GLMN: variants seen among roughly 807,000 people sequenced by gnomAD.
GLMN encodes glomulin.
A neutral mutation model predicts 87.8 loss-of-function variants in GLMN; 75 were observed. The observed-to-expected ratio is 0.85, with a 90% confidence interval of 0.71 to 1.04. GLMN has a LOEUF of 1.04. Among genes scored for constraint, GLMN ranks in the 50% least tolerant of loss-of-function variants. GLMN has a pLI of 0.00. For missense variants in GLMN, 588 were observed against 658.8 expected, an observed-to-expected ratio of 0.89 and a Z score of 1.18; for synonymous variants, 206 against 221.6, an observed-to-expected ratio of 0.93 and a Z score of 0.63.
chr1:92,333,110 ATC>A, the GLMN span: 2 of 337,332 alleles, frequency 5.9e-6, no homozygotes, highest in Non-Finnish European at 5.4e-6. Context: ...AGTTTACAAA[ATC>A]TTTTTGTTTA....
rs369888369 is a variant in GLMN, at chr1:92,252,272, G to A, written c.1474-4283C>T. 5.8e-4 allele frequency among the ~76,000 whole-genome samples: 89 copies of A among 152,188 alleles called. 1 individual carries two copies. Among genetic ancestry groups the A allele is most frequent in the African/African-American group, 2.0e-3 (83 of 41,544 alleles). The stretch of plus-strand genomic sequence containing the variant: ...TATTAATAAAGAGTACTGGCCCAGC[G>A]CAGTAGCTCATGCCTGTAATCCCAG... On this transcript the variant is annotated intron_variant, in intron 16 of 18. Transcript: ENST00000370360.
the GLMN span, among the ~76,000 whole-genome samples, chr1:92,338,505 A>G: frequency 6.6e-6 from 1 of 152,224 alleles, no homozygotes; most frequent in Non-Finnish European, 1.5e-5. Flanking sequence ...TACACTGATG[A>G]TAAAGTTTAA....
the GLMN span, among the ~76,000 whole-genome samples, chr1:92,311,572 G>A: frequency 6.6e-6 from 1 of 152,124 alleles, no homozygotes; most frequent in Non-Finnish European, 1.5e-5. Context: ...ATTTGAACTT[G>A]GCATCACTGA....
In GLMN at chr1:92,246,669, TG is replaced by T. The variant is rs772137346; in HGVS notation, c.1669-24del. On this transcript the variant is annotated intron_variant, in intron 18 of 18. Transcript: ENST00000370360. ...GACCTGCAATGCCAAGAAAAAGTAA[TG>T]TTATTAATGCTGCCTTTAAAGCAAA... 6.2e-6 allele frequency: 7 copies of T among 1,134,786 alleles called. No individual in the cohort carries two copies. In the Admixed American group the frequency reaches 1.2e-4, roughly 19 times the overall value. The allele number at this position is 1,134,786 out of a possible 1,614,324, so 70.3% of individuals were successfully genotyped here.
intron 6 of GLMN, among the ~76,000 whole-genome samples, chr1:92,287,344 G>A (rs1211683840): frequency 6.6e-6 from 1 of 151,986 alleles, no homozygotes; most frequent in Non-Finnish European, 1.5e-5. Flanking sequence ...TTTTATAAAT[G>A]GTAAAAAACT....
At chr1:92,294,031 G>A (rs1649742839) in intron 3 of GLMN, among the ~76,000 whole-genome samples, 1 of 150,842 alleles carries the variant, frequency 6.6e-6, no homozygotes, top group Admixed American at 6.6e-5. Flanking sequence ...TAATGAATAA[G>A]ACCTACTATT....
intron 3 of GLMN, among the ~76,000 whole-genome samples, chr1:92,297,080 T>C (rs906924603): frequency 1.6e-4 from 24 of 152,022 alleles, no homozygotes; most frequent in African/African-American, 5.8e-4. Context: ...TTTGACCAGA[T>C]GGTAAAAACC....
intron 7 of GLMN, among the ~76,000 whole-genome samples, chr1:92,282,104 C>G (rs1290960092): frequency 6.6e-6 from 1 of 152,212 alleles, no homozygotes; most frequent in Non-Finnish European, 1.5e-5. Flanking sequence ...GACTTGAACT[C>G]AGCTCTGGAA....
chr1:92,303,049 TA>T (rs1487582156), upstream of GLMN, among the ~76,000 whole-genome samples: 6 of 152,108 alleles, frequency 3.9e-5, no homozygotes, highest in African/African-American at 1.2e-4. Flanking sequence ...AATTTGAGAA[TA>T]AAAAAATTTT....
At chr1:92,322,770 G>A in the GLMN span, among the ~76,000 whole-genome samples, 1 of 151,488 alleles carries the variant, frequency 6.6e-6, no homozygotes, top group Non-Finnish European at 1.5e-5. Context: ...CCAGCTACTT[G>A]GGAGGCCGAG....
intron 9 of GLMN, 56 bp downstream of exon 9, chr1:92,269,667 C>A: frequency 5.3e-6 from 6 of 1,125,362 alleles, no homozygotes; most frequent in Non-Finnish European, 8.2e-6. Flanking sequence ...CTGATCTTAA[C>A]AAGGACTATT....
intron 16 of GLMN, among the ~76,000 whole-genome samples, chr1:92,258,470 A>C (rs1177780748): frequency 1.3e-5 from 2 of 152,210 alleles, no homozygotes; most frequent in Non-Finnish European, 2.9e-5. Context: ...TTACTGCAGC[A>C]CTATTCACAA....
At chr1:92,302,306 A>G (rs1173487566), upstream of GLMN, among the ~76,000 whole-genome samples, 2 of 151,570 alleles carry the variant, frequency 1.3e-5, no homozygotes, top group African/African-American at 4.9e-5. Context: ...ATAAATGGGA[A>G]AAAAGAAAAA....
chr1:92,314,355 T>C, the GLMN span, among the ~76,000 whole-genome samples: 1 of 151,906 alleles, frequency 6.6e-6, no homozygotes, highest in Non-Finnish European at 1.5e-5. Context: ...TTTTGGGTTT[T>C]TTTTTTTTTG....
At chr1:92,314,103 A>G in the GLMN span, among the ~76,000 whole-genome samples, 1 of 152,198 alleles carries the variant, frequency 6.6e-6, no homozygotes, top group Non-Finnish European at 1.5e-5. Context: ...TTTTGTGTTC[A>G]CTGGACTAGC....
intron 5 of GLMN, among the ~76,000 whole-genome samples, chr1:92,289,561 T>C (rs1029130147): frequency 3.9e-5 from 6 of 152,212 alleles, no homozygotes; most frequent in African/African-American, 1.4e-4. Context: ...CAGGCATTCA[T>C]ATTTAAAACA....
chr1:92,347,158 T>G, the GLMN span, among the ~76,000 whole-genome samples: 6 of 152,362 alleles, frequency 3.9e-5, no homozygotes, highest in African/African-American at 1.4e-4. Flanking sequence ...ATAACTTTAC[T>G]TGAATGCCCT....
chr1:92,305,668 GAC>G, the GLMN span, among the ~76,000 whole-genome samples: 2 of 151,588 alleles, frequency 1.3e-5, no homozygotes, highest in African/African-American at 4.8e-5. Flanking sequence ...ATAAGAAAAA[GAC>G]AGACAAACTA....
chr1:92,268,265 G>T, intron 9 of GLMN, 130 bp from the exon 10 acceptor site: 1 of 628,582 alleles, frequency 1.6e-6, no homozygotes, highest in Non-Finnish European at 2.8e-6. Context: ...GAGAAATTCT[G>T]TTGAAGAACT....
Sources: allele counts gnomAD v4.1 joint callset (sites outside exome capture counted in the v4.1 genomes callset), GRCh38; gene constraint gnomAD v4.1.1; transcripts MANE v1.5; gene names NCBI Gene and HGNC (gene_info 2026-07-23, HGNC 2026-07-21).